Variants in NCKAP5 observed in about 807,000 individuals in gnomAD.
NCKAP5 encodes the protein nck-associated protein 5.
Under a neutral mutation model 167.0 loss-of-function variants are expected in NCKAP5, and 92 were observed. That is an observed-to-expected ratio of 0.55 (90% CI 0.47 to 0.66). The LOEUF (loss-of-function observed/expected upper bound fraction) is 0.66, where lower values mean the gene tolerates loss of function less well. Ranked by LOEUF, NCKAP5 falls within the 30% of genes least tolerant of loss-of-function variation. NCKAP5 has a pLI of 0.00. For missense variants in NCKAP5, 2,378 were observed against 2,315.0 expected (o/e 1.03, Z -0.56); for synonymous variants, 891 against 877.4 (o/e 1.02, Z -0.27).
intron 6 of NCKAP5, among the ~76,000 whole-genome samples, chr2:133,129,305 C>T (rs564701163): frequency 6.6e-6 from 1 of 151,736 alleles, no homozygotes; most frequent in Admixed American, 6.6e-5. Context: ...TCCATGTGTG[C>T]TCATTGTTCA....
At chr2:133,223,733 A>G (rs1312242760) in intron 4 of NCKAP5, among the ~76,000 whole-genome samples, 1 of 152,208 alleles carries the variant, frequency 6.6e-6, no homozygotes, top group African/African-American at 2.4e-5. Context: ...ATAAAGCATA[A>G]AAGTCGGTAA....
intron 3 of NCKAP5, among the ~76,000 whole-genome samples, chr2:133,452,213 C>T (rs141686982): frequency 1.1e-4 from 17 of 152,306 alleles, no homozygotes; most frequent in African/African-American, 3.6e-4. Flanking sequence ...TTTCCCATGT[C>T]TGCAATTGCA....
chr2:132,710,280 A>C (rs1688723798), intron 19 of NCKAP5, among the ~76,000 whole-genome samples: 1 of 152,246 alleles, frequency 6.6e-6, no homozygotes, highest in African/African-American at 2.4e-5. Context: ...AACAGTTACA[A>C]CAAACGTCAT....
At chr2:133,616,609 T>G in the NCKAP5 span, among the ~76,000 whole-genome samples, 1 of 151,906 alleles carries the variant, frequency 6.6e-6, no homozygotes, top group South Asian at 2.1e-4. Context: ...CAGGAAGAAG[T>G]TGAATCTCTG....
intron 6 of NCKAP5, among the ~76,000 whole-genome samples, chr2:133,106,764 T>C (rs1455822076): frequency 1.3e-5 from 2 of 152,178 alleles, no homozygotes; most frequent in African/African-American, 4.8e-5. Context: ...GCTTTGGAAG[T>C]TTGAAAAATT....
chr2:132,859,661 G>A (rs370865986), intron 11 of NCKAP5, among the ~76,000 whole-genome samples: 23 of 152,352 alleles, frequency 1.5e-4, no homozygotes, highest in African/African-American at 5.0e-4. Flanking sequence ...CCACGCAGTG[G>A]TGGGCCGCCC....
intron 3 of NCKAP5, among the ~76,000 whole-genome samples, chr2:133,419,842 C>T (rs904215399): frequency 2.6e-5 from 4 of 152,206 alleles, no homozygotes; most frequent in African/African-American, 4.8e-5. Flanking sequence ...GCATATATGA[C>T]ATACCTCTGA....
intron 3 of NCKAP5, among the ~76,000 whole-genome samples, chr2:133,399,139 C>G (rs576095349): frequency 9.7e-4 from 148 of 152,258 alleles, no homozygotes; most frequent in African/African-American, 3.4e-3. Context: ...AACATGCTCT[C>G]GCTCTTCATT....
chr2:133,461,958 T>C (rs570693098), intron 3 of NCKAP5, among the ~76,000 whole-genome samples: 2 of 152,300 alleles, frequency 1.3e-5, no homozygotes, highest in African/African-American at 4.8e-5. Flanking sequence ...CCCTTTATGT[T>C]TGAGGATTTT....
At position 132,682,481 on chromosome 2, in the gene NCKAP5, T is replaced by C. The variant is rs538528486; in HGVS notation, c.5714-9176A>G. 4.6e-5 allele frequency among the ~76,000 whole-genome samples: 7 copies of C among 152,256 alleles called. No individual in the cohort carries two copies. The South Asian group carries it at 1.0e-3, about 23-fold the overall frequency. Reference sequence around the variant, plus strand: ...AGTATTCTAGATAGTAGAGATACAGTGGTGTATGAGAAAAGTCACATGGAA... The same window carrying C: ...AGTATTCTAGATAGTAGAGATACAGCGGTGTATGAGAAAAGTCACATGGAA... On this transcript the variant is annotated intron_variant, in intron 19 of 19. Coordinates refer to ENST00000409261, the MANE Select transcript of NCKAP5 (RefSeq NM_207363.3).
At chr2:133,233,732 G>A (rs2087261396) in intron 4 of NCKAP5, among the ~76,000 whole-genome samples, 2 of 152,148 alleles carry the variant, frequency 1.3e-5, no homozygotes, top group African/African-American at 4.8e-5. Flanking sequence ...CTGTGTAGCT[G>A]CTACTATTCT....
chr2:133,145,303 A>C (rs561962908), intron 5 of NCKAP5, among the ~76,000 whole-genome samples: 4 of 152,158 alleles, frequency 2.6e-5, no homozygotes, highest in African/African-American at 7.2e-5. Flanking sequence ...GAACACATGG[A>C]CACAGGAAGG....
At chr2:133,546,330 C>T (rs752032780) in intron 2 of NCKAP5, among the ~76,000 whole-genome samples, 1 of 152,126 alleles carries the variant, frequency 6.6e-6, no homozygotes, top group African/African-American at 2.4e-5. Flanking sequence ...ATTTTCAAAA[C>T]GGTAGAAAGG....
At chr2:132,867,399 A>C (rs999609549) in intron 10 of NCKAP5, among the ~76,000 whole-genome samples, 2 of 152,210 alleles carry the variant, frequency 1.3e-5, no homozygotes, top group Non-Finnish European at 2.9e-5. Flanking sequence ...TTGTCCTCCA[A>C]TATCTATTTC....
intron 8 of NCKAP5, among the ~76,000 whole-genome samples, chr2:132,921,643 G>A (rs977190464): frequency 5.9e-5 from 9 of 152,206 alleles, no homozygotes; most frequent in Non-Finnish European, 1.2e-4. Context: ...GCCTTTGAAG[G>A]CTGAGTGCAG....
chr2:133,482,520 A>C (rs1379905396), intron 3 of NCKAP5, among the ~76,000 whole-genome samples: 1 of 152,064 alleles, frequency 6.6e-6, no homozygotes, highest in African/African-American at 2.4e-5. Flanking sequence ...TCTGGCCCCA[A>C]ATTTTCTTTA....
intron 3 of NCKAP5, among the ~76,000 whole-genome samples, chr2:133,389,267 G>A (rs917916345): frequency 1.3e-5 from 2 of 152,180 alleles, no homozygotes; most frequent in African/African-American, 2.4e-5. Context: ...CTTGCAAAAT[G>A]GCGTCTTCTT....
the NCKAP5 span, among the ~76,000 whole-genome samples, chr2:133,600,114 C>T: frequency 5.3e-5 from 8 of 152,164 alleles, no homozygotes; most frequent in South Asian, 6.2e-4. Context: ...GGACTCCATT[C>T]GAGGATGTGC....
chr2:133,118,950 C>T (rs1417420419), intron 6 of NCKAP5: 1 of 152,064 alleles, frequency 6.6e-6, no homozygotes, highest in African/African-American at 2.4e-5. Context: ...AAACATTCAA[C>T]CTTCCTTACA....
Sources: gnomAD v4.1 joint callset for allele counts (sites outside exome capture counted in the v4.1 genomes callset) on GRCh38, gnomAD v4.1.1 for gene constraint, MANE v1.5 for transcripts, NCBI Gene and HGNC (gene_info 2026-07-23, HGNC 2026-07-21) for gene names.